The following SHROOM3 variants were observed in gnomAD, a reference collection of about 807,000 sequenced individuals.
The protein encoded by SHROOM3 is protein Shroom3.
Under a neutral mutation model 138.6 loss-of-function variants are expected in SHROOM3, and 47 were observed. The ratio of observed to expected loss-of-function variants is 0.34; its 90% CI spans 0.27 to 0.43. SHROOM3 has a LOEUF of 0.43. SHROOM3 is among the 20% of genes least tolerant of loss of function. The pLI is 1.00. For synonymous variants in SHROOM3, 1,062 were observed against 1,063.3 expected, an observed-to-expected ratio of 1.00 and a Z score of 0.02; for missense variants, 2,491 against 2,596.5, an observed-to-expected ratio of 0.96 and a Z score of 0.88.
intron 1 of SHROOM3, chr4:76,509,447 G>C (rs1732286233): frequency 1.3e-5 from 2 of 152,102 alleles, no homozygotes; most frequent in African/African-American, 4.8e-5. Flanking sequence ...TAGACTTTGG[G>C]GGCGTCCAGG....
intron 3 of SHROOM3, among the ~76,000 whole-genome samples, chr4:76,728,001 A>G (rs1356964976): frequency 2.6e-5 from 4 of 152,004 alleles, no homozygotes; most frequent in African/African-American, 7.2e-5. Flanking sequence ...CAAAAAAAAA[A>G]GAAATGCAAG....
At chr4:76,685,958 C>T (rs547310449) in intron 2 of SHROOM3, among the ~76,000 whole-genome samples, 8 of 152,172 alleles carry the variant, frequency 5.3e-5, no homozygotes, top group East Asian at 1.9e-4. Flanking sequence ...GGTGACAGAG[C>T]GAGACTCCAT....
chr4:76,572,305 A>C (rs975954050), intron 2 of SHROOM3, among the ~76,000 whole-genome samples: 13 of 152,206 alleles, frequency 8.5e-5, no homozygotes, highest in Non-Finnish European at 1.8e-4. Context: ...GTGAGTTCCC[A>C]ATGGTGTAAT....
intron 2 of SHROOM3, among the ~76,000 whole-genome samples, chr4:76,698,268 G>T (rs1391261635): frequency 6.6e-6 from 1 of 152,096 alleles, no homozygotes; most frequent in South Asian, 2.1e-4. Flanking sequence ...TTTGGCATGA[G>T]CTTAAAAAAA....
rs773906347 is a variant in SHROOM3, at chr4:76,742,022, CCAGTT to C, written c.3753+102_3753+106del. 2.0e-6 allele frequency: 3 copies of C among 1,472,748 alleles called. No homozygotes were observed. The African/African-American group carries it at 4.2e-5, about 20-fold the overall frequency. 91.2% of individuals were successfully genotyped at this position (1,472,748 alleles called of 1,614,324 possible). ...ACCCCCCACACTCTCACCCGCTCTC[CCAGTT>C]CAGTTTTCCTTGTGATTACAGAAAA... On this transcript the variant is annotated intron_variant, in intron 5 of 10. Transcript: ENST00000296043.
At chr4:76,705,967 A>G (rs1379138627) in intron 2 of SHROOM3, among the ~76,000 whole-genome samples, 1 of 152,178 alleles carries the variant, frequency 6.6e-6, no homozygotes, top group African/African-American at 2.4e-5. Flanking sequence ...ATCCATTTAC[A>G]ACTCTTGACT....
chr4:76,757,217 T>A (rs1379828913), intron 8 of SHROOM3: 1 of 391,970 alleles, frequency 2.6e-6, no homozygotes, highest in African/African-American at 2.0e-5. Flanking sequence ...TATATCAACA[T>A]TATTTAATTT....
intron 2 of SHROOM3, among the ~76,000 whole-genome samples, chr4:76,605,927 C>CTA (rs1168127876): frequency 3.6e-5 from 5 of 140,650 alleles, no homozygotes; most frequent in African/African-American, 1.1e-4. Context: ...CTCTCTCTCT[C>CTA]TCTCTCTATA....
chr4:76,618,820 T>C (rs994650484), intron 2 of SHROOM3, among the ~76,000 whole-genome samples: 5 of 152,252 alleles, frequency 3.3e-5, no homozygotes, highest in African/African-American at 7.2e-5. Context: ...GCTTATTTTT[T>C]CCTTCCAGTA....
chr4:76,490,904 CTT>C (rs1370866012), intron 1 of SHROOM3, among the ~76,000 whole-genome samples: 1 of 152,168 alleles, frequency 6.6e-6, no homozygotes, highest in Non-Finnish European at 1.5e-5. Flanking sequence ...TTACACAAGT[CTT>C]TTAACTACAG....
At chr4:76,731,033 T>A in intron 4 of SHROOM3, 98 bp downstream of exon 4, 1 of 1,490,844 alleles carries the variant, frequency 6.7e-7, no homozygotes, top group Admixed American at 1.7e-5. Context: ...TGTTTTTTCT[T>A]ATACTCACAC....
Position 76,546,771 on chromosome 4 carries a change from T to C in SHROOM3, c.169-8838T>C, listed in dbSNP as rs1733228920. Among the ~76,000 whole-genome samples, 7 of 152,340 alleles carry C rather than the reference T, an allele frequency of 4.6e-5. No homozygotes were observed. The South Asian group carries it at 1.4e-3, about 32-fold the overall frequency. On this transcript the variant is annotated intron_variant, in intron 1 of 10. Transcript: ENST00000296043. The stretch of plus-strand genomic sequence containing the variant: ...CCAACTTCACAAAACAGCAAATGAT[T>C]TGTAGGTTATGTTGCATTAACTGTG...
At chr4:76,486,371 T>G (rs1329969590) in intron 1 of SHROOM3, among the ~76,000 whole-genome samples, 10 of 152,224 alleles carry the variant, frequency 6.6e-5, no homozygotes, top group Non-Finnish European at 1.3e-4. Flanking sequence ...TGAATCTCTT[T>G]CATAAATATT....
chr4:76,691,006 A>G (rs139492115), intron 2 of SHROOM3, among the ~76,000 whole-genome samples: 1 of 152,338 alleles, frequency 6.6e-6, no homozygotes, highest in East Asian at 1.9e-4. Flanking sequence ...TTTCTCTTGA[A>G]TCAACTTCCC....
rs1377842051 is a variant in SHROOM3, at chr4:76,782,010, A to G, written c.*2833A>G. ...TACTCCAAATGCAGATACTCCAGCC[A>G]CCCGCAAGGTTCCAGGAAAGGACAA... On this transcript the variant is annotated 3_prime_UTR_variant, in exon 11 of 11. Transcript: ENST00000296043. 4 of 152,200 alleles carry G rather than the reference A, an allele frequency of 2.6e-5. No homozygotes were observed. Among genetic ancestry groups the G allele is most frequent in the Non-Finnish European group, 5.9e-5 (4 of 68,026 alleles). The allele number at this position is 152,200 out of a possible 1,614,324, so 9.4% of individuals were successfully genotyped here.
In SHROOM3 at chr4:76,738,993, C is replaced by A. The variant is rs147825182; in HGVS notation, c.820C>A (p.His274Asn). 3.7e-6 allele frequency: 6 copies of A among 1,614,214 alleles called. No individual in the cohort carries two copies. Among genetic ancestry groups the A allele is most frequent in the Non-Finnish European group, 5.1e-6 (6 of 1,180,030 alleles). ...CAGTTCTAGCATCCTAGAGTATCCACACCCTGGCATCTCTGGCCGGGAGCG... is the reference window on the plus strand; with the variant it reads ...CAGTTCTAGCATCCTAGAGTATCCAAACCCTGGCATCTCTGGCCGGGAGCG... ...STSSSILEYP[H>N]PGISGRERSG... is the part of the protein sequence containing the mutation. The change falls in exon 5 of 11, where the codon CAC (histidine) becomes AAC (asparagine). Residue 274 changes from histidine to asparagine, a missense_variant. Physicochemically the swap from His to Asn is moderately conservative, Grantham distance 68. This residue lies in a region of SHROOM3 where 1,733 missense variants were observed against 1,661.6 expected (regional missense o/e 1.04). Coordinates refer to ENST00000296043, the MANE Select transcript of SHROOM3 (RefSeq NM_020859.4).
intron 1 of SHROOM3, among the ~76,000 whole-genome samples, chr4:76,537,620 A>C (rs1307670185): frequency 6.6e-6 from 1 of 152,096 alleles, no homozygotes; most frequent in Non-Finnish European, 1.5e-5. Flanking sequence ...TCATTAGAAA[A>C]GGTAGAGCAA....
At chr4:76,578,565 A>G (rs1378624895) in intron 2 of SHROOM3, among the ~76,000 whole-genome samples, 1 of 152,212 alleles carries the variant, frequency 6.6e-6, no homozygotes, top group Non-Finnish European at 1.5e-5. Context: ...TGATGCAACT[A>G]TATCTGTTAT....
chr4:76,720,914 C>G (rs545962991), intron 3 of SHROOM3, among the ~76,000 whole-genome samples: 23 of 151,896 alleles, frequency 1.5e-4, no homozygotes, highest in Admixed American at 3.9e-4. Context: ...CCGGCCTCCC[C>G]CCGAATTATT....
Sources: allele counts gnomAD v4.1 joint callset (sites outside exome capture counted in the v4.1 genomes callset), GRCh38; gene constraint gnomAD v4.1.1; regional missense constraint gnomAD v4.1.1; transcripts MANE v1.5; gene names NCBI Gene and HGNC (gene_info 2026-07-23, HGNC 2026-07-21).